The following FAM149B1 variants were observed in gnomAD, a reference collection of about 807,000 sequenced individuals.
FAM149B1 encodes the protein family with sequence similarity 149 member B1.
In FAM149B1, 56 loss-of-function variants were observed where a neutral mutation model predicts 75.3. The observed-to-expected ratio is 0.74, with a 90% CI of 0.60 to 0.93. The LOEUF (loss-of-function observed/expected upper bound fraction) is 0.93, where lower values mean the gene tolerates loss of function less well. FAM149B1 is among the 40% of genes least tolerant of loss of function. FAM149B1 has a pLI of 0.00. For synonymous variants in FAM149B1, 259 were observed against 256.1 expected (o/e 1.01, Z -0.11); for missense variants, 639 against 708.4 (o/e 0.90, Z 1.11).
At chr10:73,200,780 G>T in intron 5 of FAM149B1, 1 of 469,486 alleles carries the variant, frequency 2.1e-6, no homozygotes, top group South Asian at 1.7e-5. Flanking sequence ...TGAGCAGGAG[G>T]AATGGAAGTT....
At chr10:73,226,583 G>T (rs536402596) in intron 7 of FAM149B1, among the ~76,000 whole-genome samples, 39 of 152,200 alleles carry the variant, frequency 2.6e-4, no homozygotes, top group Admixed American at 2.3e-3. Context: ...TTAGATTCTT[G>T]GCTAGTTGCT....
rs963962055 is a variant in FAM149B1 at position 73,242,204 on chromosome 10, G to C, written c.*1185G>C. On this transcript the variant is annotated 3_prime_UTR_variant, in exon 14 of 14. Coordinates refer to ENST00000242505, the MANE Select transcript of FAM149B1 (RefSeq NM_173348.2). ...CTATTTGTAGTCACAAACCGAAAAC[G>C]TGTCGTCTTTACCTTAGAGCTAAAG... is the stretch of plus-strand genomic sequence containing the variant. 3 of 152,032 alleles carry C rather than the reference G, an allele frequency of 2.0e-5. No individual in the cohort carries two copies. The highest frequency in any genetic ancestry group is 4.4e-5 in the Non-Finnish European group (3 of 68,002). The allele number at this position is 152,032 out of a possible 1,614,324, so 9.4% of individuals were successfully genotyped here. A position where few individuals can be genotyped will look rare whatever the true frequency, so the allele number is the denominator to read the frequency against.
chr10:73,202,026 G>A (rs999997895), intron 5 of FAM149B1, among the ~76,000 whole-genome samples: 4 of 152,028 alleles, frequency 2.6e-5, no homozygotes, highest in African/African-American at 4.8e-5. Flanking sequence ...TTAGCCAGGC[G>A]TGGTGGCACA....
Position 73,207,565 on chromosome 10 carries a change from CAAAAAAGAA to C in FAM149B1, c.543-1039_543-1031del, listed in dbSNP as rs550749187. 6.2e-3 allele frequency among the ~76,000 whole-genome samples: 906 copies of C among 147,266 alleles called. 8 individuals carry two copies. Among genetic ancestry groups the C allele is most frequent in the Middle Eastern group, 0.025 (7 of 276 alleles). ...GGCGACAGAACGAGACTCTGTCTCT[CAAAAAAGAA>C]AAAAAAGAAAAAAAGAAAAAAGAAA... is the stretch of plus-strand genomic sequence containing the variant. On this transcript the variant is annotated intron_variant, in intron 5 of 13. Transcript: ENST00000242505.
At position 73,221,870 on chromosome 10, in the gene FAM149B1, T is replaced by A. The variant is rs954988395; in HGVS notation, c.899-6190T>A. On this transcript the variant is annotated intron_variant, in intron 7 of 13. Transcript: ENST00000242505. ...GTATTTCATTCTGGGCAATTGCTAT[T>A]GTTATGCCATCAGTGTTCATTATCT... Among the ~76,000 whole-genome samples the A allele has an allele frequency of 2.6e-5, 4 of 152,266 alleles. No individual in the cohort carries two copies. In the East Asian group the frequency reaches 7.7e-4, roughly 29 times the overall value.
chr10:73,214,948 T>A (rs1482476937), intron 7 of FAM149B1, among the ~76,000 whole-genome samples: 2 of 152,146 alleles, frequency 1.3e-5, no homozygotes, highest in Non-Finnish European at 2.9e-5. Context: ...TCCATCTGAT[T>A]TTTAGGCTTT....
chr10:73,186,417 T>G lies in FAM149B1; in HGVS notation c.283-6139T>G, dbSNP rs767079029. On this transcript the variant is annotated intron_variant, in intron 3 of 13. Coordinates refer to ENST00000242505, the MANE Select transcript of FAM149B1 (RefSeq NM_173348.2). ...AAGAAAAGACTGGATACCTTCCCCTTAAGATTTAGAACAAGGTAAGGATGT... is the reference window on the plus strand; with the variant it reads ...AAGAAAAGACTGGATACCTTCCCCTGAAGATTTAGAACAAGGTAAGGATGT... Among the ~76,000 whole-genome samples the G allele has an allele frequency of 5.9e-5, 9 of 152,306 alleles. No individual in the cohort carries two copies. The South Asian group carries it at 1.9e-3, about 32-fold the overall frequency.
chr10:73,190,327 A>G (rs1448946504), intron 3 of FAM149B1, among the ~76,000 whole-genome samples: 3 of 151,582 alleles, frequency 2.0e-5, no homozygotes, highest in Non-Finnish European at 4.4e-5. Context: ...GGGTCTTGCT[A>G]TATTGTCCAG....
intron 7 of FAM149B1, among the ~76,000 whole-genome samples, chr10:73,214,189 T>G (rs2043247424): frequency 6.6e-6 from 1 of 152,200 alleles, no homozygotes; most frequent in Non-Finnish European, 1.5e-5. Context: ...ACTACTAAAT[T>G]TATTTATCGA....
At chr10:73,235,400 A>G (rs1395009644) in intron 12 of FAM149B1, 82 bp downstream of exon 12, 6 of 1,532,206 alleles carry the variant, frequency 3.9e-6, no homozygotes, top group Non-Finnish European at 4.4e-6. Context: ...CAGACTTAAG[A>G]TTTTATCTAG....
At chr10:73,222,394 G>C (rs1453267536) in intron 7 of FAM149B1, among the ~76,000 whole-genome samples, 1 of 152,112 alleles carries the variant, frequency 6.6e-6, no homozygotes, top group Non-Finnish European at 1.5e-5. Context: ...CTTGTTCCAC[G>C]TGAGCAGCAA....
At chr10:73,218,744 T>C (rs956772004) in intron 7 of FAM149B1, among the ~76,000 whole-genome samples, 1 of 152,322 alleles carries the variant, frequency 6.6e-6, no homozygotes, top group African/African-American at 2.4e-5. Context: ...CACCTTTTTT[T>C]CTCTAGATCA....
At chr10:73,169,351 A>C (rs1464006421) in intron 1 of FAM149B1, among the ~76,000 whole-genome samples, 1 of 152,038 alleles carries the variant, frequency 6.6e-6, no homozygotes, top group Non-Finnish European at 1.5e-5. Context: ...ATAATAAAAA[A>C]ATAAAAAGAG....
chr10:73,195,547 A>G (rs1383789800), intron 5 of FAM149B1, among the ~76,000 whole-genome samples: 1 of 152,186 alleles, frequency 6.6e-6, no homozygotes, highest in Non-Finnish European at 1.5e-5. Flanking sequence ...TGTTAGTGTA[A>G]ACTTTATATG....
rs2043559985 is a variant in FAM149B1, at chr10:73,226,741, T to C, written c.899-1319T>C. ...AGAGCTCAATAAATGTTAGCTATTG[T>C]CATTACTTTTTATTATAATACCTGG... On this transcript the variant is annotated intron_variant, in intron 7 of 13. Coordinates refer to ENST00000242505, the MANE Select transcript of FAM149B1 (RefSeq NM_173348.2). Among the ~76,000 whole-genome samples, 4 of 152,368 alleles carry C rather than the reference T, an allele frequency of 2.6e-5. No homozygotes were observed. In the South Asian group the frequency reaches 8.3e-4, roughly 32 times the overall value.
intron 3 of FAM149B1, among the ~76,000 whole-genome samples, chr10:73,191,411 A>T (rs190484078): frequency 6.8e-6 from 1 of 147,608 alleles, no homozygotes; most frequent in Admixed American, 6.9e-5. Flanking sequence ...ATCTCGGCTC[A>T]CCGCAACCTC....
At position 73,174,729 on chromosome 10, in the gene FAM149B1, A is replaced by G; in HGVS notation, c.90A>G (p.Pro30=). 6.4e-7 allele frequency: 1 copy of G among 1,551,536 alleles called. No individual in the cohort carries two copies. Among genetic ancestry groups the G allele is most frequent in the Non-Finnish European group, 8.7e-7 (1 of 1,146,868 alleles). Residue 30 remains proline (P), a synonymous_variant, in exon 2 of 14, where the codon CCA becomes CCG. Transcript: ENST00000242505. ...ATGCTCTTAACCATCATCCCCCTCC[A>G]GAGAAGCTGGAGGAAATTTCCCCCA... ...TKHALNHHPP[P]EKLEEISPTS...
rs542307318 is a variant in FAM149B1 at position 73,210,664 on chromosome 10, A to G, written c.898+226A>G. 3.3e-5 allele frequency among the ~76,000 whole-genome samples: 5 copies of G among 152,122 alleles called. No homozygotes were observed. In the South Asian group the frequency reaches 1.0e-3, roughly 32 times the overall value. ...GTAGTGAGATCCCATCTCTCTAAAA[A>G]AATTAAAAATTAGCCAGGCATGGTG... On this transcript the variant is annotated intron_variant, in intron 7 of 13. Coordinates refer to ENST00000242505, the MANE Select transcript of FAM149B1 (RefSeq NM_173348.2).
intron 13 of FAM149B1, among the ~76,000 whole-genome samples, chr10:73,239,689 A>G (rs1212848450): frequency 3.3e-5 from 5 of 152,076 alleles, no homozygotes; most frequent in African/African-American, 1.2e-4. Flanking sequence ...TTCAACCCAA[A>G]TTAGTCCTTG....
Sources: gnomAD v4.1 joint callset for allele counts (sites outside exome capture counted in the v4.1 genomes callset) on GRCh38, gnomAD v4.1.1 for gene constraint, MANE v1.5 for transcripts, NCBI Gene and HGNC (gene_info 2026-07-23, HGNC 2026-07-21) for gene names.